Variants in NBDY observed in about 807,000 individuals in gnomAD.
NBDY encodes negative regulator of P-body association.
chrX:56,766,446 A>G (rs896756643), intron 2 of NBDY, among the ~76,000 whole-genome samples: 2 of 111,773 alleles, frequency 1.8e-5, no homozygotes, highest in Non-Finnish European at 3.8e-5. Context: ...GCACACCCAG[A>G]CAAAAACACG....
chrX:56,730,513 CAAAAAAAAAAAAAAAAAAAAA>C (rs1157131797), intron 1 of NBDY, among the ~76,000 whole-genome samples: 1 of 11,207 alleles, frequency 8.9e-5, no homozygotes, highest in Admixed American at 2.5e-3. Flanking sequence ...AACTACGTCT[CAAAAAAAAAAAAAAAAAAAAA>C]AAAAAAAAAA....
At chrX:56,808,981 G>A (rs1390281749) in intron 2 of NBDY, among the ~76,000 whole-genome samples, 1 of 112,229 alleles carries the variant, frequency 8.9e-6, no homozygotes, top group African/African-American at 3.2e-5. Flanking sequence ...ATTCATTCAA[G>A]GAACATATTT....
In NBDY at chrX:56,801,705, G is replaced by T. The variant is rs530664187; in HGVS notation, c.*167-15615G>T. On this transcript the variant is annotated intron_variant, in intron 2 of 2. Transcript: ENST00000374922. Reference sequence around the variant, plus strand: ...CCTGAGCCAGCAGGAGCCTTGGCAAGTTGTCCCCCTTTGTCTTTTCTTTCA... The same window carrying T: ...CCTGAGCCAGCAGGAGCCTTGGCAATTTGTCCCCCTTTGTCTTTTCTTTCA... Among the ~76,000 whole-genome samples, 22 of 110,815 alleles carry T rather than the reference G, an allele frequency of 2.0e-4. No individual in the cohort carries two copies. The South Asian group carries it at 8.6e-3, about 43-fold the overall frequency.
In NBDY at chrX:56,785,346, A is replaced by G. The variant is rs112612252; in HGVS notation, c.*167-31974A>G. 3.9e-3 allele frequency among the ~76,000 whole-genome samples: 432 copies of G among 111,254 alleles called. 6 individuals carry two copies. Among genetic ancestry groups the G allele is most frequent in the African/African-American group, 0.013 (408 of 30,519 alleles). On this transcript the variant is annotated intron_variant, in intron 2 of 2. Transcript: ENST00000374922. ...GTGGCATTGCGACTCTGAGTGTCAG[A>G]GGACCTCGTTTTTAACTTTTAACTC...
At chrX:56,810,565 C>T (rs2069881043) in intron 2 of NBDY, among the ~76,000 whole-genome samples, 1 of 109,688 alleles carries the variant, frequency 9.1e-6, no homozygotes, top group Admixed American at 9.8e-5. Context: ...GTGTATGCTT[C>T]ACGAAGTTCT....
intron 2 of NBDY, among the ~76,000 whole-genome samples, chrX:56,794,182 T>C (rs1338394495): frequency 1.8e-5 from 2 of 111,900 alleles, no homozygotes; most frequent in South Asian, 3.8e-4. Context: ...CTCTAAACCC[T>C]GGTCGGGGAA....
intron 2 of NBDY, among the ~76,000 whole-genome samples, chrX:56,752,620 A>AT (rs957125697): frequency 6.3e-5 from 7 of 110,445 alleles, no homozygotes; most frequent in Non-Finnish European, 1.1e-4. Flanking sequence ...TTATTTATTT[A>AT]TTTTTTTGAG....
intron 2 of NBDY, among the ~76,000 whole-genome samples, chrX:56,811,677 C>A (rs2069887400): frequency 8.9e-6 from 1 of 112,217 alleles, no homozygotes; most frequent in Admixed American, 9.4e-5. Flanking sequence ...GCCAGTAGAT[C>A]TTAGCTTGCT....
intron 2 of NBDY, among the ~76,000 whole-genome samples, chrX:56,735,046 T>C (rs756408395): frequency 8.9e-6 from 1 of 112,255 alleles, no homozygotes; most frequent in African/African-American, 3.2e-5. Context: ...TGAATCACTC[T>C]ACCATTCTGT....
At position 56,815,589 on chromosome X, in the gene NBDY, A is replaced by G. The variant is rs144273478; in HGVS notation, c.*167-1731A>G. On this transcript the variant is annotated intron_variant, in intron 2 of 2. Transcript: ENST00000374922. ...AATTGTTTAACTTTTTTATTATACC[A>G]TCTGAGAATATGTTTGCATATTTGT... Among the ~76,000 whole-genome samples the G allele has an allele frequency of 8.0e-3, 901 of 111,946 alleles. 10 individuals carry two copies. Among genetic ancestry groups the G allele is most frequent in the African/African-American group, 0.028 (857 of 30,865 alleles).
intron 2 of NBDY, among the ~76,000 whole-genome samples, chrX:56,743,179 T>A (rs780220040): frequency 9.0e-6 from 1 of 111,520 alleles, no homozygotes; most frequent in Non-Finnish European, 1.9e-5. Flanking sequence ...TGATGAATAA[T>A]CTTTTTAATG....
chrX:56,784,267 G>A (rs1602661098), intron 2 of NBDY, among the ~76,000 whole-genome samples: 1 of 112,012 alleles, frequency 8.9e-6, no homozygotes, highest in African/African-American at 3.3e-5. Context: ...AATGCAGTCC[G>A]GTCCAACAGG....
At chrX:56,794,250 A>G (rs1457746361) in intron 2 of NBDY, among the ~76,000 whole-genome samples, 3 of 111,639 alleles carry the variant, frequency 2.7e-5, no homozygotes, top group South Asian at 3.8e-4. Flanking sequence ...CTCGGTGCCT[A>G]GCAGAAGGCA....
At chrX:56,804,251 A>C (rs1311658539) in intron 2 of NBDY, among the ~76,000 whole-genome samples, 1 of 112,206 alleles carries the variant, frequency 8.9e-6, no homozygotes, top group Non-Finnish European at 1.9e-5. Context: ...CCCAGGTCCA[A>C]CAGGCATCCA....
chrX:56,749,654 C>CTT (rs80181550), intron 2 of NBDY, among the ~76,000 whole-genome samples: 1 of 81,934 alleles, frequency 1.2e-5, no homozygotes, highest in African/African-American at 4.4e-5. Flanking sequence ...CATTTGCATC[C>CTT]TTTTTTTTTT....
intron 2 of NBDY, among the ~76,000 whole-genome samples, chrX:56,794,187 G>A (rs776027348): frequency 1.2e-4 from 13 of 111,698 alleles, no homozygotes; most frequent in Non-Finnish European, 2.4e-4. Flanking sequence ...AACCCTGGTC[G>A]GGGAAACCCT....
chrX:56,814,851 C>CT (rs896321657), intron 2 of NBDY, among the ~76,000 whole-genome samples: 10 of 103,722 alleles, frequency 9.6e-5, no homozygotes, highest in African/African-American at 2.1e-4. Context: ...TGGGGTATTT[C>CT]TTTTTTTTTT....
At chrX:56,765,515 C>T (rs1217253058) in intron 2 of NBDY, among the ~76,000 whole-genome samples, 1 of 111,788 alleles carries the variant, frequency 8.9e-6, no homozygotes, top group Non-Finnish European at 1.9e-5. Context: ...GTTGTGTGTC[C>T]TTTAAGCCGG....
chrX:56,818,999 A>G lies in NBDY; in HGVS notation c.*1846A>G, dbSNP rs1234630760. 1.8e-5 allele frequency: 2 copies of G among 109,327 alleles called. No individual in the cohort carries two copies. Among genetic ancestry groups the G allele is most frequent in the Non-Finnish European group, 3.8e-5 (2 of 52,550 alleles). 9.0% of individuals were successfully genotyped at this position (109,327 alleles called of 1,213,427 possible). A position where few individuals can be genotyped will look rare whatever the true frequency, so the allele number is the denominator to read the frequency against. ...GTATCTACATGCAAAAAAAAAACAAAAAAACAAAAAACTTCCACCCCTACC... is the reference window on the plus strand; with the variant it reads ...GTATCTACATGCAAAAAAAAAACAAGAAAACAAAAAACTTCCACCCCTACC... On this transcript the variant is annotated 3_prime_UTR_variant, in exon 3 of 3. Transcript: ENST00000374922.
Sources: gnomAD v4.1 joint callset for allele counts (sites outside exome capture counted in the v4.1 genomes callset) on GRCh38, gnomAD v4.1.1 for gene constraint, MANE v1.5 for transcripts, NCBI Gene and HGNC (gene_info 2026-07-23, HGNC 2026-07-21) for gene names.